NTN4: variants seen among roughly 807,000 people sequenced by gnomAD.
The protein encoded by NTN4 is netrin-4.
A neutral mutation model predicts 73.6 loss-of-function variants in NTN4; 32 were observed. The observed-to-expected ratio is 0.44, with a 90% confidence interval of 0.33 to 0.58. NTN4 has a LOEUF of 0.58. Among genes scored for constraint, NTN4 ranks in the 20% least tolerant of loss-of-function variants. The pLI is 0.04. For synonymous variants in NTN4, 258 were observed against 287.5 expected, an observed-to-expected ratio of 0.90 and a Z score of 1.04; for missense variants, 654 against 798.3, an observed-to-expected ratio of 0.82 and a Z score of 2.18.
intron 3 of NTN4, among the ~76,000 whole-genome samples, chr12:95,737,387 C>T (rs1000036802): frequency 6.8e-6 from 1 of 147,106 alleles, no homozygotes; most frequent in Non-Finnish European, 1.5e-5. Flanking sequence ...GAGAGTTTAA[C>T]TCTGCCTTAG....
At chr12:95,671,954 C>T (rs2078234065) in intron 7 of NTN4, among the ~76,000 whole-genome samples, 1 of 151,852 alleles carries the variant, frequency 6.6e-6, no homozygotes, top group Non-Finnish European at 1.5e-5. Flanking sequence ...TATACCAGGC[C>T]GTTTTAAGCA....
chr12:95,777,134 C>G (rs2079099473), intron 2 of NTN4, among the ~76,000 whole-genome samples: 1 of 152,112 alleles, frequency 6.6e-6, no homozygotes, highest in Non-Finnish European at 1.5e-5. Context: ...CACCACCAGG[C>G]CTGCCCTACA....
At chr12:95,758,668 G>A (rs1337001980) in intron 2 of NTN4, among the ~76,000 whole-genome samples, 1 of 152,042 alleles carries the variant, frequency 6.6e-6, no homozygotes, top group Non-Finnish European at 1.5e-5. Flanking sequence ...GGGCCCAGGT[G>A]TACCTCCCAC....
At chr12:95,775,353 G>A (rs889989657) in intron 2 of NTN4, among the ~76,000 whole-genome samples, 3 of 152,006 alleles carry the variant, frequency 2.0e-5, no homozygotes, top group Admixed American at 6.6e-5. Context: ...TGGGTGCAGC[G>A]CACTGAGCAT....
At chr12:95,702,202 C>T (rs368205525) in intron 5 of NTN4, among the ~76,000 whole-genome samples, 1 of 151,326 alleles carries the variant, frequency 6.6e-6, no homozygotes, top group African/African-American at 2.4e-5. Context: ...ATCATTTGAA[C>T]CTAAGAGGCA....
At position 95,790,045 on chromosome 12, in the gene NTN4, A is replaced by G; in HGVS notation, c.55+210T>C. 4.4e-6 allele frequency: 2 copies of G among 449,772 alleles called. No homozygotes were observed. The highest frequency in any genetic ancestry group is 7.1e-5 in the East Asian group (2 of 28,062). 27.9% of individuals were successfully genotyped at this position (449,772 alleles called of 1,614,324 possible). A position where few individuals can be genotyped will look rare whatever the true frequency, so the allele number is the denominator to read the frequency against. ...GCGCACCCAGGATAGCTGGTTATCC[A>G]AGCGCATGTGTATCCCAGTTGTAAA... On this transcript the variant is annotated intron_variant, in intron 1 of 9. Coordinates refer to ENST00000343702, the MANE Select transcript of NTN4 (RefSeq NM_021229.4). This position sits in a 1 kb window ranked among gnomAD's most constrained non-coding sequence, Gnocchi z 6.5.
At chr12:95,763,410 T>A (rs1416569669) in intron 2 of NTN4, among the ~76,000 whole-genome samples, 2 of 152,238 alleles carry the variant, frequency 1.3e-5, no homozygotes, top group Non-Finnish European at 2.9e-5. Flanking sequence ...TTCTTCTGTG[T>A]TAAGCTAGAG....
intron 2 of NTN4, among the ~76,000 whole-genome samples, chr12:95,762,457 T>C (rs2121248406): frequency 6.6e-6 from 1 of 152,354 alleles, no homozygotes; most frequent in Non-Finnish European, 1.5e-5. Context: ...ATCTCACATA[T>C]CTTTTCCCAT....
At position 95,658,993 on chromosome 12, in the gene NTN4, TAA is replaced by T; in HGVS notation, c.*91_*92del. 7.9e-7 allele frequency: 1 copy of T among 1,266,416 alleles called. No individual in the cohort carries two copies. Among genetic ancestry groups the T allele is most frequent in the Non-Finnish European group, 1.1e-6 (1 of 921,020 alleles). The allele number at this position is 1,266,416 out of a possible 1,614,324, so 78.4% of individuals were successfully genotyped here. On this transcript the variant is annotated 3_prime_UTR_variant, in exon 10 of 10. Transcript: ENST00000343702. Reference sequence around the variant, plus strand: ...AACATTTCTATATGTTTTGGCACTTTAAAAAATTCCAGTTTCCTGTCTGAGGT... The same window carrying T: ...AACATTTCTATATGTTTTGGCACTTTAAAATTCCAGTTTCCTGTCTGAGGT...
chr12:95,694,588 G>A (rs1163765154), intron 5 of NTN4, among the ~76,000 whole-genome samples: 1 of 152,080 alleles, frequency 6.6e-6, no homozygotes, highest in African/African-American at 2.4e-5. Flanking sequence ...GAAAAAATGA[G>A]ATCTTTTATC....
At chr12:95,713,847 C>A (rs1413403240) in intron 3 of NTN4, among the ~76,000 whole-genome samples, 1 of 151,890 alleles carries the variant, frequency 6.6e-6, no homozygotes, top group South Asian at 2.1e-4. Flanking sequence ...TAATACACAC[C>A]CTAATGGCAC....
chr12:95,787,120 T>C lies in NTN4; in HGVS notation c.404A>G (p.Lys135Arg), dbSNP rs753625408. ...FYFTHLIVMFKSPRPAAMVLD... is the reference protein window; with the variant it reads ...FYFTHLIVMFRSPRPAAMVLD... ...CACCATGGCAGCCGGCCTGGGGGAC[T>C]TGAACATCACAATTAGGTGAGTGAA... is the stretch of plus-strand genomic sequence containing the variant. The change falls in exon 2 of 10, where the codon AAG (lysine) becomes AGG (arginine). Residue 135 changes from lysine (K) to arginine (R), a missense_variant. By Grantham distance (26) the Lys-to-Arg change is conservative. Coordinates refer to ENST00000343702, the MANE Select transcript of NTN4 (RefSeq NM_021229.4). The C allele has an allele frequency of 9.9e-6, 16 of 1,614,198 alleles. No homozygotes were observed. Among genetic ancestry groups the C allele is most frequent in the Non-Finnish European group, 1.4e-5 (16 of 1,180,036 alleles).
intron 5 of NTN4, among the ~76,000 whole-genome samples, chr12:95,702,435 C>T (rs1463486542): frequency 6.6e-6 from 1 of 152,068 alleles, no homozygotes. Flanking sequence ...CCTCACTCAC[C>T]CCCACACTCT....
At chr12:95,757,337 C>T (rs1014231172) in intron 2 of NTN4, among the ~76,000 whole-genome samples, 6 of 152,190 alleles carry the variant, frequency 3.9e-5, no homozygotes, top group African/African-American at 9.6e-5. Flanking sequence ...TCCAACATCA[C>T]CTAGCTAGTA....
At chr12:95,786,906 A>T (rs772523054) in intron 2 of NTN4, 33 bp downstream of exon 2, 15 of 1,575,166 alleles carry the variant, frequency 9.5e-6, no homozygotes. Context: ...TTTCTATCTT[A>T]CTTACAGTGT....
chr12:95,782,177 T>C (rs2079137650), intron 2 of NTN4, among the ~76,000 whole-genome samples: 1 of 152,194 alleles, frequency 6.6e-6, no homozygotes, highest in Non-Finnish European at 1.5e-5. Flanking sequence ...CACTCATTTA[T>C]TTATTCAGTT....
At chr12:95,727,739 T>C (rs1391109141) in intron 3 of NTN4, among the ~76,000 whole-genome samples, 1 of 152,230 alleles carries the variant, frequency 6.6e-6, no homozygotes, top group Non-Finnish European at 1.5e-5. Flanking sequence ...GTGTGAGTTC[T>C]CCAACTTTGC....
At chr12:95,659,416 C>A (rs1247254970) in intron 9 of NTN4, among the ~76,000 whole-genome samples, 194 bp from the exon 10 acceptor site, 1 of 152,094 alleles carries the variant, frequency 6.6e-6, no homozygotes, top group Non-Finnish European at 1.5e-5. Context: ...CCTCCTCAGC[C>A]TCCCAAGTAC....
At chr12:95,668,835 C>CAA (rs2078203334) in intron 8 of NTN4, among the ~76,000 whole-genome samples, 1 of 151,104 alleles carries the variant, frequency 6.6e-6, no homozygotes, top group Non-Finnish European at 1.5e-5. Flanking sequence ...GCTAAAAATA[C>CAA]AAAAATTAGG....
Sources: gnomAD v4.1 joint callset for allele counts (sites outside exome capture counted in the v4.1 genomes callset) on GRCh38, gnomAD v4.1.1 for gene constraint, Gnocchi (gnomAD v3.1) non-coding constraint, MANE v1.5 for transcripts, NCBI Gene and HGNC (gene_info 2026-07-23, HGNC 2026-07-21) for gene names.